ZZZ3: variants seen among roughly 807,000 people sequenced by gnomAD.
The protein encoded by ZZZ3 is zinc finger ZZ-type containing 3.
ZZZ3 carries 22 observed loss-of-function variants against 95.2 expected under a neutral mutation model. The ratio of observed to expected loss-of-function variants is 0.23; its 90% CI spans 0.17 to 0.33. The LOEUF is 0.33. Ranked by LOEUF, ZZZ3 falls within the 10% of genes least tolerant of loss-of-function variation. ZZZ3 has a pLI of 1.00. For synonymous variants in ZZZ3, 335 were observed against 358.9 expected (o/e 0.93, Z 0.75); for missense variants, 885 against 1,066.5 (o/e 0.83, Z 2.37).
chr1:77,580,923 G>T, intron 9 of ZZZ3, 75 bp downstream of exon 9: 1 of 1,253,020 alleles, frequency 8.0e-7, no homozygotes, highest in Non-Finnish European at 1.2e-6. Flanking sequence ...ACTGGACCTG[G>T]CCTCATAATA....
chr1:77,601,733 T>C (rs1462859627), intron 5 of ZZZ3, among the ~76,000 whole-genome samples: 6 of 152,158 alleles, frequency 3.9e-5, no homozygotes, highest in Admixed American at 1.3e-4. Flanking sequence ...TTAGTACTTA[T>C]AAGATACTAT....
chr1:77,591,672 G>A (rs927300315), intron 5 of ZZZ3, among the ~76,000 whole-genome samples: 3 of 152,134 alleles, frequency 2.0e-5, no homozygotes, highest in Non-Finnish European at 4.4e-5. Context: ...AGTCAATGGT[G>A]ATCAAAAGCC....
intron 4 of ZZZ3, among the ~76,000 whole-genome samples, chr1:77,635,549 G>A (rs944871951): frequency 1.3e-5 from 2 of 152,210 alleles, no homozygotes; most frequent in African/African-American, 4.8e-5. Flanking sequence ...AACACTGAGT[G>A]TCCCATAATT....
At chr1:77,615,806 G>A (rs1211516331) in intron 5 of ZZZ3, among the ~76,000 whole-genome samples, 1 of 152,110 alleles carries the variant, frequency 6.6e-6, no homozygotes, top group Non-Finnish European at 1.5e-5. Context: ...TTCTTATAAA[G>A]AGGAAAACAT....
intron 1 of ZZZ3, among the ~76,000 whole-genome samples, chr1:77,652,669 T>C (rs1669915172): frequency 1.3e-5 from 2 of 152,168 alleles, no homozygotes; most frequent in Non-Finnish European, 2.9e-5. Flanking sequence ...GCATTATTCA[T>C]AATAGTTATA....
chr1:77,607,206 G>A (rs78827783), intron 5 of ZZZ3, among the ~76,000 whole-genome samples: 2,699 of 152,284 alleles, frequency 0.018, 79 homozygotes, highest in African/African-American at 0.061. Flanking sequence ...ACAAAGTCAC[G>A]TCTTACATGG....
At position 77,632,616 on chromosome 1, in the gene ZZZ3, T is replaced by C. The variant is rs747848806; in HGVS notation, c.739A>G (p.Thr247Ala). 2.5e-6 allele frequency: 4 copies of C among 1,614,212 alleles called. No individual in the cohort carries two copies. The South Asian group carries it at 4.4e-5, about 18-fold the overall frequency. The change falls in exon 5 of 15, where the codon ACC becomes GCC. Residue 247 changes from threonine to alanine, a missense_variant. Around this residue, in one of 5 missense-constraint regions of ZZZ3, gnomAD observed 556 missense variants for 652.9 expected, o/e 0.85. Transcript: ENST00000370801. ...CTATCAAGGAACATTGAAGTTTGGG[T>C]ATCCGTATCCCCATTTTCAGCTACT... ...KSVAENGDTD[T>A]QTSMFLDSRK...
chr1:77,574,500 T>C (rs1206173245), intron 12 of ZZZ3, among the ~76,000 whole-genome samples: 2 of 152,156 alleles, frequency 1.3e-5, no homozygotes, highest in African/African-American at 4.8e-5. Flanking sequence ...GCTCTGTCCA[T>C]TAACAGGCCT....
intron 1 of ZZZ3, among the ~76,000 whole-genome samples, chr1:77,678,492 G>C (rs1341901046): frequency 6.6e-6 from 1 of 152,144 alleles, no homozygotes; most frequent in Non-Finnish European, 1.5e-5. Context: ...CTTAAACATA[G>C]TACACAGAAT....
intron 4 of ZZZ3, among the ~76,000 whole-genome samples, chr1:77,634,183 T>A (rs993834891): frequency 4.6e-5 from 7 of 151,350 alleles, no homozygotes; most frequent in East Asian, 4.0e-4. Context: ...AATAAATAAA[T>A]AAATAAATAA....
rs1660664190 is a variant in ZZZ3, at chr1:77,564,581, T to C, written c.*1059A>G. 1.3e-5 allele frequency: 2 copies of C among 152,624 alleles called. No individual in the cohort carries two copies. The highest frequency in any genetic ancestry group is 4.8e-5 in the African/African-American group (2 of 41,456). 9.5% of individuals were successfully genotyped at this position (152,624 alleles called of 1,614,324 possible). ...AAATGAACATCATTCAAGAACATACTGTATACACAGATAAGAAGAAACATA... is the reference window on the plus strand; with the variant it reads ...AAATGAACATCATTCAAGAACATACCGTATACACAGATAAGAAGAAACATA... On this transcript the variant is annotated 3_prime_UTR_variant, in exon 15 of 15. Transcript: ENST00000370801.
At chr1:77,572,435 G>A (rs1452528057) in intron 12 of ZZZ3, among the ~76,000 whole-genome samples, 1 of 151,976 alleles carries the variant, frequency 6.6e-6, no homozygotes, top group East Asian at 1.9e-4. Flanking sequence ...TGCCTCCTAG[G>A]TTCAAGTGAT....
intron 1 of ZZZ3, among the ~76,000 whole-genome samples, chr1:77,664,596 CTT>C (rs1671100021): frequency 6.6e-6 from 1 of 152,090 alleles, no homozygotes; most frequent in Non-Finnish European, 1.5e-5. Context: ...TAATTCCACA[CTT>C]TTAAGCAGCT....
chr1:77,596,350 A>T (rs1664213066), intron 5 of ZZZ3, among the ~76,000 whole-genome samples: 1 of 152,124 alleles, frequency 6.6e-6, no homozygotes, highest in African/African-American at 2.4e-5. Context: ...AGTTCCTAGA[A>T]GTTCAATGGG....
chr1:77,671,741 G>A (rs533952292), intron 1 of ZZZ3, among the ~76,000 whole-genome samples: 27 of 152,174 alleles, frequency 1.8e-4, no homozygotes, highest in Non-Finnish European at 2.9e-4. Context: ...ACTTCTATAA[G>A]AGTTTTTAAA....
At chr1:77,606,418 C>T (rs140588852) in intron 5 of ZZZ3, among the ~76,000 whole-genome samples, 3 of 152,292 alleles carry the variant, frequency 2.0e-5, no homozygotes, top group East Asian at 1.9e-4. Context: ...GGGAACTCAC[C>T]GCCCTGAAGG....
intron 3 of ZZZ3, among the ~76,000 whole-genome samples, chr1:77,640,101 C>T (rs1446722123): frequency 1.3e-5 from 2 of 152,048 alleles, no homozygotes; most frequent in African/African-American, 4.8e-5. Context: ...AACCTTGATG[C>T]TTATTCAAGT....
chr1:77,570,293 C>T (rs1160286889), intron 12 of ZZZ3, among the ~76,000 whole-genome samples: 2 of 152,074 alleles, frequency 1.3e-5, no homozygotes, highest in Non-Finnish European at 1.5e-5. Flanking sequence ...TTAGTACAGA[C>T]GGGGTTTCAC....
At chr1:77,601,247 C>T (rs1417743128) in intron 5 of ZZZ3, among the ~76,000 whole-genome samples, 5 of 152,044 alleles carry the variant, frequency 3.3e-5, no homozygotes, top group Admixed American at 6.5e-5. Context: ...CCTACCAAAC[C>T]GACTACTAAT....
Sources: allele counts gnomAD v4.1 joint callset (sites outside exome capture counted in the v4.1 genomes callset), GRCh38; gene constraint gnomAD v4.1.1; regional missense constraint gnomAD v4.1.1; transcripts MANE v1.5; gene names NCBI Gene and HGNC (gene_info 2026-07-23, HGNC 2026-07-21).